Variants in SOX5 observed in about 807,000 individuals in gnomAD.
SOX5 encodes the protein transcription factor SOX-5.
Under a neutral mutation model 92.0 loss-of-function variants are expected in SOX5, and 9 were observed. That is an observed-to-expected ratio of 0.10 (90% CI 0.06 to 0.17). SOX5 has a LOEUF of 0.17. Ranked by LOEUF, SOX5 falls within the 10% of genes least tolerant of loss-of-function variation. The pLI is 1.00. For synonymous variants in SOX5, 344 were observed against 336.3 expected (o/e 1.02, Z -0.25); for missense variants, 642 against 944.5 (o/e 0.68, Z 4.20).
intron 3 of SOX5, among the ~76,000 whole-genome samples, chr12:24,266,569 A>T (rs1943046784): frequency 6.6e-6 from 1 of 152,194 alleles, no homozygotes; most frequent in Non-Finnish European, 1.5e-5. Flanking sequence ...GAATTACTTG[A>T]TGATTTATAA....
chr12:23,557,722 T>G (rs1945426987), intron 11 of SOX5, among the ~76,000 whole-genome samples: 1 of 152,142 alleles, frequency 6.6e-6, no homozygotes, highest in Non-Finnish European at 1.5e-5. Flanking sequence ...ATGCCTGTCA[T>G]CCCAGCGCTT....
intron 1 of SOX5, among the ~76,000 whole-genome samples, chr12:24,452,230 C>G (rs895254362): frequency 3.3e-4 from 50 of 152,190 alleles, no homozygotes; most frequent in African/African-American, 1.1e-3. Context: ...CCTTCCCTAC[C>G]AAATACCTAA....
intron 2 of SOX5, among the ~76,000 whole-genome samples, chr12:24,328,639 T>C (rs1269892665): frequency 1.3e-5 from 2 of 152,236 alleles, no homozygotes; most frequent in African/African-American, 4.8e-5. Context: ...GGAAAATTAT[T>C]TAACCCTTTC....
chr12:24,207,851 C>T (rs1380941117), intron 4 of SOX5, among the ~76,000 whole-genome samples: 1 of 152,178 alleles, frequency 6.6e-6, no homozygotes, highest in African/African-American at 2.4e-5. Flanking sequence ...GCATCGTCAA[C>T]TCTCGTGCCA....
In SOX5 at chr12:24,225,932, T is replaced by C. The variant is rs145444658; in HGVS notation, c.-76-12515A>G. 5.9e-3 allele frequency among the ~76,000 whole-genome samples: 895 copies of C among 152,290 alleles called. 11 individuals carry two copies. The highest frequency in any genetic ancestry group is 0.02 in the African/African-American group (851 of 41,576). On this transcript the variant is annotated intron_variant, in intron 3 of 4. Coordinates refer to the SOX5 transcript ENST00000446891. ...AAGGAATTCCTGTTAGTTGTAGGAATCAAAGAAACGTAAAGTTTAAGTATT... is the reference window on the plus strand; with the variant it reads ...AAGGAATTCCTGTTAGTTGTAGGAACCAAAGAAACGTAAAGTTTAAGTATT...
At chr12:23,675,825 A>G (rs1487826700) in intron 6 of SOX5, among the ~76,000 whole-genome samples, 1 of 152,192 alleles carries the variant, frequency 6.6e-6, no homozygotes, top group East Asian at 1.9e-4. Flanking sequence ...GAACCCAACT[A>G]CAAAAATCAA....
chr12:24,210,519 C>T (rs1018605254), intron 4 of SOX5, among the ~76,000 whole-genome samples: 4 of 152,154 alleles, frequency 2.6e-5, no homozygotes, highest in Non-Finnish European at 4.4e-5. Flanking sequence ...AGATAAAATT[C>T]AGGACTTCTT....
chr12:23,777,575 C>A (rs1289068702), intron 3 of SOX5, among the ~76,000 whole-genome samples: 37 of 152,214 alleles, frequency 2.4e-4, no homozygotes, highest in Non-Finnish European at 4.9e-4. Flanking sequence ...CATACACACA[C>A]AATACATACC....
chr12:24,209,773 C>T (rs1175877461), intron 4 of SOX5, among the ~76,000 whole-genome samples: 3 of 151,938 alleles, frequency 2.0e-5, no homozygotes, highest in Non-Finnish European at 4.4e-5. Flanking sequence ...AATCCCAGCA[C>T]TTTGGGAGGC....
At chr12:24,506,418 AAG>A (rs559214768) in intron 1 of SOX5, among the ~76,000 whole-genome samples, 1 of 146,814 alleles carries the variant, frequency 6.8e-6, no homozygotes, top group Non-Finnish European at 1.5e-5. Flanking sequence ...AAAAAAAAAA[AAG>A]AGAGAGAGAG....
At chr12:23,972,740 C>T (rs376552048) in intron 4 of SOX5, among the ~76,000 whole-genome samples, 4 of 152,032 alleles carry the variant, frequency 2.6e-5, no homozygotes, top group African/African-American at 9.7e-5. Flanking sequence ...TGATGTTTTG[C>T]TCTATGTGTA....
chr12:23,570,909 TC>T (rs1948079491), intron 10 of SOX5, among the ~76,000 whole-genome samples: 4 of 9,156 alleles, frequency 4.4e-4, no homozygotes, highest in South Asian at 8.1e-3. Context: ...AGACTCCAAC[TC>T]AAAAAAAAAA....
Position 23,895,971 on chromosome 12 carries a change from G to A in SOX5, c.92C>T (p.Ala31Val), listed in dbSNP as rs147299551. Residue 31 changes from alanine (A) to valine (V), a missense_variant, in exon 2 of 15, where the codon GCC becomes GTC. Transcript: ENST00000451604. ...SPYGEADGEV[A>V]MVTSRQKVEE... ...CACTTTCTGTCTGCTTGTCACCATG[G>A]CTACCTCTCCATCTGCTTCCCCATA... 2 of 1,613,934 alleles carry A rather than the reference G, an allele frequency of 1.2e-6. No homozygotes were observed. The highest frequency in any genetic ancestry group is 1.3e-5 in the African/African-American group (1 of 74,900).
intron 2 of SOX5, among the ~76,000 whole-genome samples, chr12:24,326,791 TACACAC>T (rs10527019): frequency 6.7e-6 from 1 of 148,734 alleles, no homozygotes; most frequent in Non-Finnish European, 1.5e-5. Context: ...TACACACACA[TACACAC>T]ACACACACAC....
chr12:23,769,412 A>G (rs1459627428), intron 3 of SOX5, among the ~76,000 whole-genome samples: 2 of 152,106 alleles, frequency 1.3e-5, no homozygotes, highest in African/African-American at 2.4e-5. Flanking sequence ...TATTTGAATT[A>G]CCTGTAGGTA....
chr12:23,962,792 T>G (rs986131219), intron 4 of SOX5, among the ~76,000 whole-genome samples: 1 of 152,204 alleles, frequency 6.6e-6, no homozygotes, highest in Non-Finnish European at 1.5e-5. Flanking sequence ...GATCTAAAAA[T>G]ATTCCATTTA....
At chr12:23,872,300 C>A (rs1043390399) in intron 2 of SOX5, among the ~76,000 whole-genome samples, 1 of 151,520 alleles carries the variant, frequency 6.6e-6, no homozygotes, top group Non-Finnish European at 1.5e-5. Context: ...GCGTGGGCCA[C>A]CCCACCCAGC....
chr12:24,235,579 A>T (rs546114433), intron 3 of SOX5, among the ~76,000 whole-genome samples: 1 of 152,234 alleles, frequency 6.6e-6, no homozygotes, highest in East Asian at 1.9e-4. Context: ...AGTAATTATC[A>T]TAGCCAAATT....
chr12:23,841,937 T>C (rs368980895), intron 3 of SOX5, among the ~76,000 whole-genome samples: 21 of 150,536 alleles, frequency 1.4e-4, no homozygotes, highest in African/African-American at 4.9e-4. Context: ...CATATAAATG[T>C]ATAATACAAC....
Sources: gnomAD v4.1 joint callset for allele counts (sites outside exome capture counted in the v4.1 genomes callset) on GRCh38, gnomAD v4.1.1 for gene constraint, MANE v1.5 for transcripts, NCBI Gene and HGNC (gene_info 2026-07-23, HGNC 2026-07-21) for gene names.